Variants in CHCHD3 observed in about 807,000 individuals in gnomAD.
The protein encoded by CHCHD3 is MICOS complex subunit MIC19.
In CHCHD3, 20 loss-of-function variants were observed where a neutral mutation model predicts 38.2. That is an observed-to-expected ratio of 0.52 (90% CI 0.37 to 0.76). The LOEUF (loss-of-function observed/expected upper bound fraction) is 0.76. Among genes scored for constraint, CHCHD3 ranks in the 30% least tolerant of loss-of-function variants. The pLI, the probability that CHCHD3 is intolerant of heterozygous loss-of-function variation, is 0.00. For missense variants in CHCHD3, 245 were observed against 279.2 expected (o/e 0.88, Z 0.87); for synonymous variants, 82 against 100.0 (o/e 0.82, Z 1.07).
chr7:132,939,866 T>C (rs571090548), intron 4 of CHCHD3, among the ~76,000 whole-genome samples: 1 of 152,298 alleles, frequency 6.6e-6, no homozygotes, highest in South Asian at 2.1e-4. Context: ...TTCAAACTGA[T>C]TAATCCAAAC....
chr7:132,821,894 C>A (rs1432355655), intron 6 of CHCHD3, among the ~76,000 whole-genome samples: 1 of 151,792 alleles, frequency 6.6e-6, no homozygotes, highest in East Asian at 1.9e-4. Context: ...TCCCCAGTAG[C>A]TGGGACTACA....
At chr7:133,022,924 C>CAA (rs11313866) in intron 3 of CHCHD3, among the ~76,000 whole-genome samples, 41 of 108,468 alleles carry the variant, frequency 3.8e-4, no homozygotes, top group South Asian at 3.1e-3. Context: ...AAGGGAAGAC[C>CAA]AAAAAAAAAA....
chr7:132,785,311 A>T lies in CHCHD3; in HGVS notation c.*326T>A. The T allele has an allele frequency of 3.6e-6, 1 of 279,382 alleles. No individual in the cohort carries two copies. The allele number at this position is 279,382 out of a possible 1,614,324, so 17.3% of individuals were successfully genotyped here. On this transcript the variant is annotated 3_prime_UTR_variant, in exon 8 of 8. Transcript: ENST00000262570. ...GTTCACCAAATGATGGGGCTTGTTC[A>T]GAAGAGAAACATTTTATGGTCAGTG...
chr7:133,036,322 A>C (rs1269969286), intron 2 of CHCHD3, among the ~76,000 whole-genome samples: 4 of 152,228 alleles, frequency 2.6e-5, no homozygotes, highest in African/African-American at 9.6e-5. Flanking sequence ...GAAGAAATTA[A>C]TCTAATAAAG....
At chr7:133,019,219 C>G (rs1477296164) in intron 3 of CHCHD3, among the ~76,000 whole-genome samples, 1 of 152,164 alleles carries the variant, frequency 6.6e-6, no homozygotes, top group Non-Finnish European at 1.5e-5. Context: ...AAACATGATG[C>G]TACCCACAAA....
intron 4 of CHCHD3, among the ~76,000 whole-genome samples, chr7:132,921,218 G>C (rs578248597): frequency 7.9e-5 from 12 of 151,784 alleles, no homozygotes; most frequent in African/African-American, 2.9e-4. Context: ...AAGATTTGAG[G>C]GTCTATATAT....
chr7:132,792,731 T>G (rs1044021538), intron 7 of CHCHD3, among the ~76,000 whole-genome samples: 1 of 152,212 alleles, frequency 6.6e-6, no homozygotes, highest in Non-Finnish European at 1.5e-5. Context: ...ATCACCTGGT[T>G]CAAACCTTCA....
chr7:132,894,153 T>C (rs186944787), intron 4 of CHCHD3, among the ~76,000 whole-genome samples: 1 of 152,224 alleles, frequency 6.6e-6, no homozygotes, highest in African/African-American at 2.4e-5. Context: ...ATGTATATCA[T>C]AGCGCTTAAC....
At position 132,801,881 on chromosome 7, in the gene CHCHD3, C is replaced by T. The variant is rs564555798; in HGVS notation, c.525-5304G>A. On this transcript the variant is annotated intron_variant, in intron 6 of 7. Coordinates refer to ENST00000262570, the MANE Select transcript of CHCHD3 (RefSeq NM_017812.4). Reference sequence around the variant, plus strand: ...AAAAGATGTCAGGTTCACAATTCCACAGTCAGATCTACGTGGGGAACGTGA... The same window carrying T: ...AAAAGATGTCAGGTTCACAATTCCATAGTCAGATCTACGTGGGGAACGTGA... Among the ~76,000 whole-genome samples, 250 of 152,290 alleles carry T rather than the reference C, an allele frequency of 1.6e-3. 1 individual carries two copies. Among genetic ancestry groups the T allele is most frequent in the African/African-American group, 5.7e-3 (237 of 41,556 alleles).
At chr7:132,926,098 C>T (rs1221159812) in intron 4 of CHCHD3, among the ~76,000 whole-genome samples, 1 of 152,190 alleles carries the variant, frequency 6.6e-6, no homozygotes, top group Admixed American at 6.5e-5. Flanking sequence ...TACGGAGTTT[C>T]TTGCATAGGA....
In CHCHD3 at chr7:132,874,117, T is replaced by A. The variant is rs140760703; in HGVS notation, c.453+11545A>T. 3.0e-3 allele frequency among the ~76,000 whole-genome samples: 456 copies of A among 152,256 alleles called. 2 individuals are homozygous for A. Among genetic ancestry groups the A allele is most frequent in the African/African-American group, 0.01 (418 of 41,566 alleles). ...AAATATTTAACAAGCACCTGCTAAG[T>A]GCCAAGTACTGGTCTAGGTAATAGG... On this transcript the variant is annotated intron_variant, in intron 5 of 7. Coordinates refer to ENST00000262570, the MANE Select transcript of CHCHD3 (RefSeq NM_017812.4).
rs780281025 is a variant in CHCHD3 at position 133,034,855 on chromosome 7, C to T, written c.170-10228G>A. 3 of 1,609,998 alleles carry T rather than the reference C, an allele frequency of 1.9e-6. No individual in the cohort carries two copies. The East Asian group carries it at 6.7e-5, about 36-fold the overall frequency. On this transcript the variant is annotated intron_variant, in intron 2 of 7. Transcript: ENST00000262570. ...CCAAAAAGGATGACACTGGCGAAGGCATTCTTCCTCAGCTTGTCCAGTCGC... is the reference window on the plus strand; with the variant it reads ...CCAAAAAGGATGACACTGGCGAAGGTATTCTTCCTCAGCTTGTCCAGTCGC...
intron 4 of CHCHD3, among the ~76,000 whole-genome samples, chr7:132,943,960 T>C (rs1171236010): frequency 6.6e-6 from 1 of 152,074 alleles, no homozygotes; most frequent in Non-Finnish European, 1.5e-5. Context: ...CCACCACATA[T>C]TGCTGGTAGG....
chr7:132,937,720 C>T (rs1249354766), intron 4 of CHCHD3, among the ~76,000 whole-genome samples: 2 of 152,192 alleles, frequency 1.3e-5, no homozygotes, highest in African/African-American at 2.4e-5. Flanking sequence ...AAATCTTACA[C>T]TTAGGCTGTG....
intron 6 of CHCHD3, among the ~76,000 whole-genome samples, chr7:132,800,115 A>C (rs943078472): frequency 2.0e-5 from 3 of 152,224 alleles, no homozygotes; most frequent in Non-Finnish European, 4.4e-5. Context: ...TATATATCCA[A>C]GTATTTTTTC....
chr7:133,052,246 T>C (rs997309878), intron 2 of CHCHD3, among the ~76,000 whole-genome samples: 1 of 152,182 alleles, frequency 6.6e-6, no homozygotes, highest in Non-Finnish European at 1.5e-5. Flanking sequence ...CTCTGGCCTC[T>C]GTCTCCCTGA....
At chr7:132,796,631 A>G (rs971095138) in intron 6 of CHCHD3, 54 bp from the exon 7 acceptor site, 19 of 1,547,068 alleles carry the variant, frequency 1.2e-5, no homozygotes, top group Admixed American at 1.0e-4. Flanking sequence ...CAGAATAAAA[A>G]TCAAGGTTAA....
At chr7:132,956,308 G>A (rs906883752) in intron 4 of CHCHD3, among the ~76,000 whole-genome samples, 11 of 152,144 alleles carry the variant, frequency 7.2e-5, no homozygotes, top group Admixed American at 5.2e-4. Flanking sequence ...CTCTATTAAG[G>A]CAAAGATTTT....
intron 4 of CHCHD3, among the ~76,000 whole-genome samples, chr7:132,953,925 G>A (rs1407241731): frequency 6.6e-6 from 1 of 152,150 alleles, no homozygotes; most frequent in Non-Finnish European, 1.5e-5. Flanking sequence ...AAATTATCGG[G>A]TTGCCCTAGC....
Sources: allele counts gnomAD v4.1 joint callset (sites outside exome capture counted in the v4.1 genomes callset), GRCh38; gene constraint gnomAD v4.1.1; transcripts MANE v1.5; gene names NCBI Gene and HGNC (gene_info 2026-07-23, HGNC 2026-07-21).